Variants in C8orf34 observed in about 807,000 individuals in gnomAD.
C8orf34 encodes chromosome 8 open reading frame 34.
In C8orf34, 65 loss-of-function variants were observed where a neutral mutation model predicts 68.3. That is an observed-to-expected ratio of 0.95 (90% CI 0.78 to 1.17). C8orf34 has a LOEUF of 1.17. C8orf34 is among the 50% of genes most tolerant of loss of function. C8orf34 has a pLI of 0.00. For synonymous variants in C8orf34, 244 were observed against 241.2 expected (o/e 1.01, Z -0.11); for missense variants, 664 against 655.4 (o/e 1.01, Z -0.14).
At chr8:68,700,285 T>C (rs1432025265) in intron 8 of C8orf34, among the ~76,000 whole-genome samples, 2 of 152,118 alleles carry the variant, frequency 1.3e-5, no homozygotes, top group African/African-American at 4.8e-5. Context: ...CAGGGATATC[T>C]GGGAGGGATC....
chr8:68,512,034 A>C (rs987257175), intron 5 of C8orf34, among the ~76,000 whole-genome samples: 5 of 152,182 alleles, frequency 3.3e-5, no homozygotes, highest in African/African-American at 1.2e-4. Flanking sequence ...CAAAGTTATC[A>C]GAAGCCTGTA....
intron 7 of C8orf34, among the ~76,000 whole-genome samples, chr8:68,639,339 C>A (rs1818935643): frequency 6.6e-6 from 1 of 152,046 alleles, no homozygotes. Context: ...ATGGAAGAAG[C>A]CTGTTGACAA....
In C8orf34 at chr8:68,640,407, A is replaced by G; in HGVS notation, c.1137A>G (p.Val379=). 6.2e-7 allele frequency: 1 copy of G among 1,613,836 alleles called. No homozygotes were observed. Among genetic ancestry groups the G allele is most frequent in the Non-Finnish European group, 8.5e-7 (1 of 1,179,838 alleles). ...EDLNDLRMEG[V]TTLVPSGSKF... ...TTAATGATTTAAGAATGGAGGGAGT[A>G]ACAACCCTGGTACCTTCTGGGAGCA... Residue 379 remains valine (V), a synonymous_variant, in exon 8 of 14, where the codon GTA becomes GTG. Coordinates refer to ENST00000518698, the MANE Select transcript of C8orf34 (RefSeq NM_052958.4).
At chr8:68,509,291 A>T (rs1814159941) in intron 5 of C8orf34, among the ~76,000 whole-genome samples, 1 of 152,226 alleles carries the variant, frequency 6.6e-6, no homozygotes, top group Admixed American at 6.5e-5. Context: ...CCTGAAGGCA[A>T]GAGCAGACAA....
At chr8:68,355,022 G>A (rs1257722446) in intron 1 of C8orf34, among the ~76,000 whole-genome samples, 3 of 151,924 alleles carry the variant, frequency 2.0e-5, no homozygotes, top group South Asian at 2.1e-4. Flanking sequence ...TTAGCAAATA[G>A]CATCTTAATA....
intron 1 of C8orf34, among the ~76,000 whole-genome samples, chr8:68,362,459 T>A (rs1312759438): frequency 6.6e-6 from 1 of 152,144 alleles, no homozygotes; most frequent in African/African-American, 2.4e-5. Context: ...AGTCTACAGC[T>A]CCCAGCGTGA....
Position 68,777,833 on chromosome 8 carries a change from C to T in C8orf34, c.1455+1384C>T, listed in dbSNP as rs1823565576. The stretch of plus-strand genomic sequence containing the variant: ...ATAAATTTATATCTTGCTTATTCAT[C>T]TGCTCTCAATAATAATTTTTTGTCT... On this transcript the variant is annotated intron_variant, in intron 11 of 13. Transcript: ENST00000518698. Among the ~76,000 whole-genome samples, 4 of 152,272 alleles carry T rather than the reference C, an allele frequency of 2.6e-5. No individual in the cohort carries two copies. In the South Asian group the frequency reaches 8.3e-4, roughly 32 times the overall value.
intron 8 of C8orf34, among the ~76,000 whole-genome samples, chr8:68,651,722 T>A (rs976902117): frequency 2.6e-4 from 39 of 152,076 alleles, no homozygotes; most frequent in Admixed American, 6.5e-4. Flanking sequence ...GACATAAGGA[T>A]GGAAACAATA....
intron 8 of C8orf34, among the ~76,000 whole-genome samples, chr8:68,660,593 C>T (rs1437261984): frequency 5.9e-5 from 9 of 152,196 alleles, no homozygotes; most frequent in Admixed American, 5.9e-4. Flanking sequence ...ATTAGTCATG[C>T]TCACCTGTGC....
At chr8:68,390,050 C>T (rs909165976) in intron 1 of C8orf34, among the ~76,000 whole-genome samples, 7 of 152,058 alleles carry the variant, frequency 4.6e-5, no homozygotes, top group African/African-American at 1.7e-4. Context: ...CTTCCATTAC[C>T]CTGGATTTGT....
intron 1 of C8orf34, among the ~76,000 whole-genome samples, chr8:68,430,187 T>TA (rs961681901): frequency 4.0e-5 from 6 of 151,794 alleles, no homozygotes; most frequent in Admixed American, 2.0e-4. Flanking sequence ...ATAAAAAAAT[T>TA]AAAAAAAACC....
At chr8:68,700,574 C>A (rs1389651480) in intron 8 of C8orf34, among the ~76,000 whole-genome samples, 1 of 152,012 alleles carries the variant, frequency 6.6e-6, no homozygotes, top group Non-Finnish European at 1.5e-5. Flanking sequence ...ATTCTGGGGA[C>A]CACAAGTGTA....
chr8:68,432,899 C>T (rs957698407), intron 1 of C8orf34, among the ~76,000 whole-genome samples: 1 of 152,108 alleles, frequency 6.6e-6, no homozygotes, highest in African/African-American at 2.4e-5. Flanking sequence ...GCTTACCATT[C>T]TACTGCCATT....
intron 9 of C8orf34, among the ~76,000 whole-genome samples, chr8:68,717,111 C>T (rs1217400238): frequency 1.3e-5 from 2 of 151,976 alleles, no homozygotes; most frequent in Non-Finnish European, 2.9e-5. Flanking sequence ...GCAGTTGGTT[C>T]TCCCACTCTG....
At chr8:68,426,518 CAAAAAAAAAAAAAAAAAA>C (rs753578060) in intron 1 of C8orf34, among the ~76,000 whole-genome samples, 2 of 29,610 alleles carry the variant, frequency 6.8e-5, no homozygotes, top group Non-Finnish European at 1.5e-4. Flanking sequence ...GACCTTGTCT[CAAAAAAAAAAAAAAAAAA>C]AAAAAGAAAA....
At chr8:68,454,850 G>T (rs1006415212) in intron 3 of C8orf34, among the ~76,000 whole-genome samples, 1 of 151,710 alleles carries the variant, frequency 6.6e-6, no homozygotes, top group African/African-American at 2.4e-5. Flanking sequence ...TTATTGATTT[G>T]ACATCTTTCT....
At chr8:68,468,307 A>C (rs1402517456) in intron 3 of C8orf34, among the ~76,000 whole-genome samples, 4 of 152,092 alleles carry the variant, frequency 2.6e-5, no homozygotes, top group African/African-American at 7.2e-5. Flanking sequence ...TTAGCCTTCT[A>C]TGAATGTCCT....
At chr8:68,605,531 T>C (rs1817829890) in intron 7 of C8orf34, among the ~76,000 whole-genome samples, 2 of 152,096 alleles carry the variant, frequency 1.3e-5, no homozygotes, top group South Asian at 4.1e-4. Context: ...TTTAGCACTA[T>C]AAAAAGTGAA....
intron 1 of C8orf34, 68 bp downstream of exon 1, chr8:68,331,407 C>A: frequency 1.4e-6 from 2 of 1,456,994 alleles, no homozygotes; most frequent in African/African-American, 1.4e-5. Flanking sequence ...GAAAACAGAA[C>A]ACTCCCAATC....
Sources: gnomAD v4.1 joint callset for allele counts (sites outside exome capture counted in the v4.1 genomes callset) on GRCh38, gnomAD v4.1.1 for gene constraint, MANE v1.5 for transcripts, NCBI Gene and HGNC (gene_info 2026-07-23, HGNC 2026-07-21) for gene names.